GALNT13: variants seen among roughly 807,000 people sequenced by gnomAD.
GALNT13 encodes the protein UDP-GalNAc:polypeptide N-acetylgalactosaminyltransferase 13.
GALNT13 carries 28 observed loss-of-function variants against 64.2 expected under a neutral mutation model. The ratio of observed to expected loss-of-function variants is 0.44; its 90% confidence interval spans 0.32 to 0.60. The LOEUF (loss-of-function observed/expected upper bound fraction) is 0.60. Among genes scored for constraint, GALNT13 ranks in the 20% least tolerant of loss-of-function variants. The pLI is 0.05. For missense variants in GALNT13, 577 were observed against 669.8 expected, an observed-to-expected ratio of 0.86 and a Z score of 1.53; for synonymous variants, 214 against 224.6, an observed-to-expected ratio of 0.95 and a Z score of 0.42.
chr2:153,549,382 C>T, the GALNT13 span, among the ~76,000 whole-genome samples: 14 of 152,208 alleles, frequency 9.2e-5, no homozygotes, highest in East Asian at 3.9e-4. Context: ...GATAGGTCAA[C>T]GGTAGACTGA....
At chr2:153,093,746 G>C in the GALNT13 span, among the ~76,000 whole-genome samples, 1 of 152,092 alleles carries the variant, frequency 6.6e-6, no homozygotes, top group East Asian at 1.9e-4. Context: ...AGTTTGAGTA[G>C]GATTGATGTT....
At chr2:153,192,713 T>C in the GALNT13 span, among the ~76,000 whole-genome samples, 1 of 152,204 alleles carries the variant, frequency 6.6e-6, no homozygotes, top group African/African-American at 2.4e-5. Context: ...TGTTATATCC[T>C]TTGGTTGAAT....
chr2:154,012,879 T>C (rs1324901578), intron 3 of GALNT13, among the ~76,000 whole-genome samples: 1 of 152,066 alleles, frequency 6.6e-6, no homozygotes. Context: ...TATTATGGAA[T>C]TATTGTATTG....
the GALNT13 span, among the ~76,000 whole-genome samples, chr2:153,472,849 G>T: frequency 6.6e-6 from 1 of 152,116 alleles, no homozygotes; most frequent in Non-Finnish European, 1.5e-5. Context: ...GCCACTGTTT[G>T]CAATGTGACT....
At chr2:153,288,939 A>G in the GALNT13 span, among the ~76,000 whole-genome samples, 1 of 152,184 alleles carries the variant, frequency 6.6e-6, no homozygotes, top group Non-Finnish European at 1.5e-5. Flanking sequence ...GTATCTATAT[A>G]CTTGAATGTT....
chr2:154,160,744 G>A (rs975694742), intron 4 of GALNT13, among the ~76,000 whole-genome samples: 2 of 152,132 alleles, frequency 1.3e-5, no homozygotes, highest in Non-Finnish European at 2.9e-5. Flanking sequence ...CTTGGCTTAA[G>A]AGATAAGAAG....
chr2:153,156,779 G>A, the GALNT13 span, among the ~76,000 whole-genome samples: 1 of 152,186 alleles, frequency 6.6e-6, no homozygotes, highest in African/African-American at 2.4e-5. Flanking sequence ...CAGCTCTACT[G>A]CAGAATGAGG....
chr2:153,860,217 A>G, the GALNT13 span, among the ~76,000 whole-genome samples: 1 of 152,242 alleles, frequency 6.6e-6, no homozygotes, highest in African/African-American at 2.4e-5. Context: ...AATGCTTTGT[A>G]AAGAAGAATT....
intron 11 of GALNT13, among the ~76,000 whole-genome samples, chr2:154,417,521 A>ATTTT (rs1238225224): frequency 5.0e-5 from 7 of 139,050 alleles, no homozygotes; most frequent in Non-Finnish European, 7.6e-5. Context: ...TTATTTATTT[A>ATTTT]TTTTTTTGAG....
the GALNT13 span, among the ~76,000 whole-genome samples, chr2:153,419,138 G>A: frequency 4.6e-4 from 70 of 152,266 alleles, 1 homozygote; most frequent in Admixed American, 7.2e-4. Flanking sequence ...CCTCAGGGCT[G>A]GGGAGGCCTC....
At chr2:154,067,657 A>G (rs1700538306) in intron 3 of GALNT13, among the ~76,000 whole-genome samples, 1 of 152,112 alleles carries the variant, frequency 6.6e-6, no homozygotes, top group Non-Finnish European at 1.5e-5. Flanking sequence ...AGAGCTAAAA[A>G]GAGACAAAGA....
chr2:153,319,898 A>G, the GALNT13 span, among the ~76,000 whole-genome samples: 1 of 152,146 alleles, frequency 6.6e-6, no homozygotes, highest in Non-Finnish European at 1.5e-5. Flanking sequence ...GGGAGTCAAT[A>G]CTTGCAGAGA....
chr2:154,428,629 G>A (rs1700572145), intron 11 of GALNT13, among the ~76,000 whole-genome samples: 1 of 152,082 alleles, frequency 6.6e-6, no homozygotes, highest in Admixed American at 6.6e-5. Context: ...GAATGTTTGT[G>A]ACAACCCTAC....
chr2:154,027,632 ATAAGT>A (rs1312885917), intron 3 of GALNT13, among the ~76,000 whole-genome samples: 2 of 152,182 alleles, frequency 1.3e-5, no homozygotes, highest in Non-Finnish European at 2.9e-5. Flanking sequence ...GAAATAAAAA[ATAAGT>A]TAAAAAGTTA....
intron 9 of GALNT13, among the ~76,000 whole-genome samples, chr2:154,313,234 A>G (rs1031219808): frequency 6.7e-6 from 1 of 149,028 alleles, no homozygotes; most frequent in African/African-American, 2.5e-5. Context: ...CTATATATAT[A>G]TTTATGCATA....
chr2:154,155,131 T>A (rs1426852452), intron 4 of GALNT13, among the ~76,000 whole-genome samples: 1 of 152,080 alleles, frequency 6.6e-6, no homozygotes, highest in Non-Finnish European at 1.5e-5. Flanking sequence ...GCTATAGTAA[T>A]TCTCAACTTG....
chr2:153,672,131 T>A, the GALNT13 span, among the ~76,000 whole-genome samples: 1 of 152,076 alleles, frequency 6.6e-6, no homozygotes, highest in African/African-American at 2.4e-5. Flanking sequence ...CTGTCAATAT[T>A]AGACAGATCA....
chr2:153,753,707 T>C, the GALNT13 span, among the ~76,000 whole-genome samples: 1 of 152,206 alleles, frequency 6.6e-6, no homozygotes, highest in African/African-American at 2.4e-5. Context: ...CTGTAACTAC[T>C]TCCTGGCTAC....
the GALNT13 span, among the ~76,000 whole-genome samples, chr2:153,604,072 G>C: frequency 6.6e-6 from 1 of 152,122 alleles, no homozygotes. Context: ...ACAATGTAAA[G>C]ATGGCTAGTC....
Sources: gnomAD v4.1 joint callset for allele counts (sites outside exome capture counted in the v4.1 genomes callset) on GRCh38, gnomAD v4.1.1 for gene constraint, MANE v1.5 for transcripts, NCBI Gene and HGNC (gene_info 2026-07-23, HGNC 2026-07-21) for gene names.